AP3B1: variants seen among roughly 807,000 people sequenced by gnomAD.
AP3B1 encodes the protein AP-3 complex subunit beta-1.
A neutral mutation model predicts 132.5 loss-of-function variants in AP3B1; 61 were observed. The observed-to-expected ratio is 0.46, with a 90% CI of 0.37 to 0.57. AP3B1 has a LOEUF of 0.57. AP3B1 is among the 20% of genes least tolerant of loss of function. The pLI, the probability that AP3B1 is intolerant of heterozygous loss-of-function variation, is 0.00. For synonymous variants in AP3B1, 388 were observed against 438.3 expected (o/e 0.89, Z 1.43); for missense variants, 1,120 against 1,289.4 (o/e 0.87, Z 2.01).
At chr5:78,293,285 T>C (rs1749614453) in intron 1 of AP3B1, among the ~76,000 whole-genome samples, 1 of 152,220 alleles carries the variant, frequency 6.6e-6, no homozygotes, top group Admixed American at 6.5e-5. Context: ...TAATTCAGTC[T>C]AAACATTTTG....
intron 7 of AP3B1, among the ~76,000 whole-genome samples, chr5:78,182,562 T>A (rs1669164265): frequency 6.6e-6 from 1 of 152,210 alleles, no homozygotes; most frequent in South Asian, 2.1e-4. Context: ...CTGGGTTTTC[T>A]TTTTATTTCA....
At chr5:78,145,292 T>C (rs1753341098) in intron 14 of AP3B1, among the ~76,000 whole-genome samples, 1 of 152,258 alleles carries the variant, frequency 6.6e-6, no homozygotes, top group Non-Finnish European at 1.5e-5. Context: ...CCATGTGCCA[T>C]GCACTGTTTT....
intron 1 of AP3B1, among the ~76,000 whole-genome samples, chr5:78,272,262 T>C (rs1748578309): frequency 6.6e-6 from 1 of 151,340 alleles, no homozygotes; most frequent in Non-Finnish European, 1.5e-5. Context: ...ATACCTCACA[T>C]GTACTAACTG....
At chr5:78,203,949 T>C (rs1745402274) in intron 7 of AP3B1, among the ~76,000 whole-genome samples, 1 of 152,168 alleles carries the variant, frequency 6.6e-6, no homozygotes, top group African/African-American at 2.4e-5. Flanking sequence ...TTGCATCATT[T>C]CTCTATACAT....
At chr5:78,070,522 G>A (rs1042501847) in intron 22 of AP3B1, among the ~76,000 whole-genome samples, 13 of 151,684 alleles carry the variant, frequency 8.6e-5, no homozygotes, top group Admixed American at 7.2e-4. Context: ...TGATGAAAAC[G>A]TCAAAAGCAA....
At chr5:78,161,869 T>G (rs1054906695) in intron 13 of AP3B1, among the ~76,000 whole-genome samples, 1 of 151,964 alleles carries the variant, frequency 6.6e-6, no homozygotes, top group African/African-American at 2.4e-5. Flanking sequence ...TCTAAAGATA[T>G]CTACATGTGG....
intron 21 of AP3B1, among the ~76,000 whole-genome samples, chr5:78,098,092 T>G (rs999293374): frequency 2.0e-5 from 3 of 151,076 alleles, no homozygotes; most frequent in Non-Finnish European, 4.4e-5. Flanking sequence ...GCATGCTCGT[T>G]AAGAGTCATC....
chr5:78,175,600 C>A (rs1299833178), intron 11 of AP3B1, 26 bp downstream of exon 11: 2 of 1,581,640 alleles, frequency 1.3e-6, no homozygotes, highest in South Asian at 1.1e-5. Flanking sequence ...GTGTTAAAAG[C>A]CTCTGAAAAA....
rs112904066 is a variant in AP3B1 at position 78,058,499 on chromosome 5, C to CA, written c.2578-19226dup. The stretch of plus-strand genomic sequence containing the variant: ...TGGACGACAGAGTGAGACTCCATCT[C>CA]AAAAAAAAAAATGTTATTATAATTC... On this transcript the variant is annotated intron_variant, in intron 22 of 26. Coordinates refer to ENST00000255194, the MANE Select transcript of AP3B1 (RefSeq NM_003664.5). 9.2e-3 allele frequency among the ~76,000 whole-genome samples: 1,295 copies of CA among 140,492 alleles called. 15 individuals carry two copies. Among genetic ancestry groups the CA allele is most frequent in the African/African-American group, 0.031 (1,182 of 38,320 alleles). 92.2% of individuals were successfully genotyped at this position (140,492 alleles called of 152,430 possible).
At chr5:78,132,807 A>T (rs1366351995) in intron 15 of AP3B1, among the ~76,000 whole-genome samples, 1 of 152,194 alleles carries the variant, frequency 6.6e-6, no homozygotes, top group Non-Finnish European at 1.5e-5. Context: ...CAAATATTTT[A>T]TGCATGTTAA....
intron 2 of AP3B1, among the ~76,000 whole-genome samples, chr5:78,248,894 G>C (rs975914400): frequency 1.1e-4 from 16 of 152,104 alleles, no homozygotes; most frequent in African/African-American, 3.9e-4. Flanking sequence ...CATGATTTCT[G>C]ATGAGAAATC....
chr5:78,130,426 T>C (rs1752638114), intron 15 of AP3B1, among the ~76,000 whole-genome samples: 1 of 152,042 alleles, frequency 6.6e-6, no homozygotes, highest in Non-Finnish European at 1.5e-5. Flanking sequence ...TTAAGATAAT[T>C]GATTTGATAG....
chr5:78,075,894 CA>C (rs2112171667), intron 22 of AP3B1, among the ~76,000 whole-genome samples: 1 of 152,274 alleles, frequency 6.6e-6, no homozygotes, highest in South Asian at 2.1e-4. Flanking sequence ...TGATGGTCCT[CA>C]ATGGTAATTC....
intron 19 of AP3B1, among the ~76,000 whole-genome samples, chr5:78,112,570 C>A (rs1242733159): frequency 2.0e-5 from 3 of 152,092 alleles, no homozygotes; most frequent in African/African-American, 4.8e-5. Flanking sequence ...TTTCTAGAAA[C>A]AGGACATGTT....
At chr5:78,120,285 T>C (rs1752109115) in intron 17 of AP3B1, among the ~76,000 whole-genome samples, 1 of 152,172 alleles carries the variant, frequency 6.6e-6, no homozygotes, top group Admixed American at 6.5e-5. Context: ...CTGCATCAAC[T>C]AACGAGCAAA....
At chr5:78,149,876 C>T (rs906753320) in intron 14 of AP3B1, among the ~76,000 whole-genome samples, 1 of 151,802 alleles carries the variant, frequency 6.6e-6, no homozygotes, top group Non-Finnish European at 1.5e-5. Flanking sequence ...AGTAACTCTC[C>T]GCTGAGAGAT....
chr5:78,074,864 C>T (rs1014521468), intron 22 of AP3B1, among the ~76,000 whole-genome samples: 2 of 151,972 alleles, frequency 1.3e-5, no homozygotes, highest in Non-Finnish European at 2.9e-5. Context: ...ACCTGGGAGG[C>T]GGAGGTTGCG....
intron 22 of AP3B1, among the ~76,000 whole-genome samples, chr5:78,078,636 T>C (rs1749860509): frequency 6.6e-6 from 1 of 152,212 alleles, no homozygotes; most frequent in African/African-American, 2.4e-5. Flanking sequence ...AACACAAATA[T>C]CGCTATCCAA....
intron 17 of AP3B1, among the ~76,000 whole-genome samples, chr5:78,116,467 A>G (rs1019727350): frequency 1.1e-4 from 16 of 152,212 alleles, no homozygotes; most frequent in Non-Finnish European, 2.4e-4. Context: ...TTTTAAATAT[A>G]CAATTTTTAA....
Sources: allele counts gnomAD v4.1 joint callset (sites outside exome capture counted in the v4.1 genomes callset), GRCh38; gene constraint gnomAD v4.1.1; transcripts MANE v1.5; gene names NCBI Gene and HGNC (gene_info 2026-07-23, HGNC 2026-07-21).